AKR1C2: variants seen among roughly 807,000 people sequenced by gnomAD.
AKR1C2 encodes the protein 3-alpha-HSD3.
Under a neutral mutation model 39.8 loss-of-function variants are expected in AKR1C2, and 27 were observed. That is an observed-to-expected ratio of 0.68 (90% CI 0.50 to 0.93). The LOEUF is 0.93. Ranked by LOEUF, AKR1C2 falls within the 40% of genes least tolerant of loss-of-function variation. AKR1C2 has a pLI of 0.00. For missense variants in AKR1C2, 263 were observed against 365.1 expected, an observed-to-expected ratio of 0.72 and a Z score of 2.28; for synonymous variants, 114 against 137.9, an observed-to-expected ratio of 0.83 and a Z score of 1.22.
chr10:5,014,928 A>C (rs782308435), intron 1 of AKR1C2: 2 of 152,248 alleles, frequency 1.3e-5, no homozygotes, highest in Non-Finnish European at 2.9e-5. Context: ...AGGCTCTCAT[A>C]AGGGCAATTT....
upstream of AKR1C2, chr10:5,007,470 T>C (rs1367396283): frequency 6.6e-6 from 1 of 152,006 alleles, no homozygotes; most frequent in Non-Finnish European, 1.5e-5. Context: ...GAGTGGATGG[T>C]ATAACTATAG....
chr10:5,008,311 A>G (rs1837448089), upstream of AKR1C2, among the ~76,000 whole-genome samples: 1 of 150,054 alleles, frequency 6.7e-6, no homozygotes, highest in Non-Finnish European at 1.5e-5. Flanking sequence ...TTCCTGACAC[A>G]TTGTCTGAAA....
chr10:4,994,659 T>C (rs1329312674), intron 7 of AKR1C2, among the ~76,000 whole-genome samples: 4 of 151,264 alleles, frequency 2.6e-5, no homozygotes, highest in Non-Finnish European at 4.4e-5. Flanking sequence ...CCCAGGGACA[T>C]CCTGAAGCAG....
At chr10:4,993,444 G>A (rs1371813676) in intron 7 of AKR1C2, among the ~76,000 whole-genome samples, 1 of 151,956 alleles carries the variant, frequency 6.6e-6, no homozygotes, top group African/African-American at 2.4e-5. Context: ...AATTAGATAC[G>A]CATATTTGGA....
chr10:5,002,836 G>A (rs1554773988), intron 1 of AKR1C2, among the ~76,000 whole-genome samples: 2 of 152,168 alleles, frequency 1.3e-5, no homozygotes, highest in Non-Finnish European at 1.5e-5. Flanking sequence ...CAAGGCCGGA[G>A]CTTCAGTGGT....
At chr10:5,006,721 T>G (rs1261640387), upstream of AKR1C2, 1 of 151,018 alleles carries the variant, frequency 6.6e-6, no homozygotes, top group Non-Finnish European at 1.5e-5. Context: ...GGTGATATAT[T>G]TAATGTGATC....
At chr10:4,996,382 A>G (rs1368753744) in intron 5 of AKR1C2, among the ~76,000 whole-genome samples, 4 of 151,184 alleles carry the variant, frequency 2.6e-5, no homozygotes, top group Non-Finnish European at 5.9e-5. Context: ...AAATACTGAT[A>G]ATTTTCACAG....
intron 5 of AKR1C2, among the ~76,000 whole-genome samples, chr10:4,998,039 A>C: frequency 6.6e-6 from 1 of 152,226 alleles, no homozygotes; most frequent in Non-Finnish European, 1.5e-5. Flanking sequence ...GATTTCATCC[A>C]CTGTGAACAG....
intron 1 of AKR1C2, 102 bp downstream of exon 1, chr10:5,003,650 G>A (rs1837336511): frequency 8.4e-7 from 1 of 1,184,720 alleles, no homozygotes; most frequent in African/African-American, 1.5e-5. Flanking sequence ...CGTTTAAAGG[G>A]GAGTCATGCA....
At chr10:4,991,520 T>A (rs554042718) in intron 8 of AKR1C2, among the ~76,000 whole-genome samples, 24 of 152,304 alleles carry the variant, frequency 1.6e-4, no homozygotes, top group Non-Finnish European at 3.1e-4. Context: ...CCACAGTGTG[T>A]ACACTAGACA....
chr10:5,017,990 T>C (rs1290973151), upstream of AKR1C2: 2 of 151,986 alleles, frequency 1.3e-5, no homozygotes, highest in African/African-American at 4.8e-5. Context: ...GTGGAGGTGC[T>C]ACACACTTTC....
chr10:5,002,990 A>G lies in AKR1C2; in HGVS notation c.84+762T>C, dbSNP rs546087936. Among the ~76,000 whole-genome samples, 5 of 152,340 alleles carry G rather than the reference A, an allele frequency of 3.3e-5. No homozygotes were observed. The East Asian group carries it at 5.8e-4, about 18-fold the overall frequency. ...CTCAAATTTTATATAACTAGTTCCT[A>G]TTCACACACATTGTATTCCCAAGAC... On this transcript the variant is annotated intron_variant, in intron 1 of 8. Transcript: ENST00000380753.
chr10:4,990,057 A>C lies in AKR1C2; in HGVS notation c.930-19T>G, dbSNP rs782043841. The C allele has an allele frequency of 5.0e-6, 8 of 1,607,164 alleles. No homozygotes were observed. The highest frequency in any genetic ancestry group is 2.2e-5 in the East Asian group (1 of 44,834). Reference sequence around the variant, plus strand: ...AGCAAAACTGGAAAGAGAAAAAAAAATGCACACTCTGAATGGCAATGACTC... The same window carrying C: ...AGCAAAACTGGAAAGAGAAAAAAAACTGCACACTCTGAATGGCAATGACTC... On this transcript the variant is annotated intron_variant, in intron 8 of 8. Transcript: ENST00000380753.
intron 5 of AKR1C2, among the ~76,000 whole-genome samples, chr10:4,996,444 A>G (rs1231883798): frequency 6.7e-6 from 1 of 149,084 alleles, no homozygotes; most frequent in Non-Finnish European, 1.5e-5. Flanking sequence ...TGATATCTCA[A>G]ATGTCACCAG....
upstream of AKR1C2, among the ~76,000 whole-genome samples, chr10:5,006,785 C>CTTTT (rs57936312): frequency 4.4e-4 from 64 of 144,798 alleles, no homozygotes; most frequent in Non-Finnish European, 7.7e-4. Flanking sequence ...ATTTCAGCCT[C>CTTTT]TTTTTTTTTT....
chr10:5,014,375 T>A (rs1279628540), intron 1 of AKR1C2, among the ~76,000 whole-genome samples: 1 of 152,222 alleles, frequency 6.6e-6, no homozygotes, highest in African/African-American at 2.4e-5. Context: ...TGTGTTATCC[T>A]TTCCAAGTGA....
At chr10:4,998,388 G>T (rs1308448965) in intron 5 of AKR1C2, among the ~76,000 whole-genome samples, 7 of 152,128 alleles carry the variant, frequency 4.6e-5, no homozygotes, top group Admixed American at 3.9e-4. Flanking sequence ...CTTCTTGATC[G>T]AATTGACCTC....
chr10:5,007,335 A>T (rs11252879), upstream of AKR1C2: 1 of 139,268 alleles, frequency 7.2e-6, no homozygotes, highest in Non-Finnish European at 1.6e-5. Flanking sequence ...AATAAGAATA[A>T]CTTTCTGTTA....
intron 8 of AKR1C2, among the ~76,000 whole-genome samples, chr10:4,990,931 C>A (rs1440023728): frequency 3.3e-5 from 5 of 151,338 alleles, no homozygotes; most frequent in Non-Finnish European, 5.9e-5. Flanking sequence ...ATAATATCCA[C>A]CAAATTTTGG....
Sources: allele counts gnomAD v4.1 joint callset (sites outside exome capture counted in the v4.1 genomes callset), GRCh38; gene constraint gnomAD v4.1.1; transcripts MANE v1.5; gene names NCBI Gene and HGNC (gene_info 2026-07-23, HGNC 2026-07-21).